Variants in IYD observed in about 807,000 individuals in gnomAD.
IYD encodes iodotyrosine deiodinase 1.
In IYD, 25 loss-of-function variants were observed where a neutral mutation model predicts 28.4. That is an observed-to-expected ratio of 0.88 (90% CI 0.64 to 1.23). IYD has a LOEUF of 1.23. Among genes scored for constraint, IYD ranks in the 50% most tolerant of loss-of-function variants. The pLI, the probability that IYD is intolerant of heterozygous loss-of-function variation, is 0.00. For synonymous variants in IYD, 140 were observed against 130.8 expected (o/e 1.07, Z -0.48); for missense variants, 352 against 357.9 (o/e 0.98, Z 0.13).
At chr6:150,379,985 A>G (rs1281392731) in intron 1 of IYD, among the ~76,000 whole-genome samples, 2 of 152,174 alleles carry the variant, frequency 1.3e-5, no homozygotes, top group South Asian at 2.1e-4. Context: ...TTTTTCTCCT[A>G]TTAATCTGTC....
chr6:150,375,072 G>A lies in IYD; in HGVS notation c.178+5863G>A, dbSNP rs557827152. On this transcript the variant is annotated intron_variant, in intron 1 of 4. Transcript: ENST00000344419. Reference sequence around the variant, plus strand: ...CTTCCCAATCCCTACCCACCTCAGTGCTACTAATGAAATAATCCATCTATA... The same window carrying A: ...CTTCCCAATCCCTACCCACCTCAGTACTACTAATGAAATAATCCATCTATA... 2.0e-5 allele frequency among the ~76,000 whole-genome samples: 3 copies of A among 152,140 alleles called. No homozygotes were observed. In the South Asian group the frequency reaches 6.2e-4, roughly 32 times the overall value.
intron 1 of IYD, chr6:150,370,480 C>T (rs764971179): frequency 3.0e-5 from 30 of 985,174 alleles, no homozygotes; most frequent in African/African-American, 5.2e-5. Flanking sequence ...AGGACCGGGG[C>T]GCAGGGTGTC....
rs967579318 is a variant in IYD at position 150,401,110 on chromosome 6, A to G, written c.*2873A>G. 2 of 152,222 alleles carry G rather than the reference A, an allele frequency of 1.3e-5. No homozygotes were observed. The highest frequency in any genetic ancestry group is 2.9e-5 in the Non-Finnish European group (2 of 68,040). 9.4% of individuals were successfully genotyped at this position (152,222 alleles called of 1,614,324 possible). A position where few individuals can be genotyped will look rare whatever the true frequency, so the allele number is the denominator to read the frequency against. Reference sequence around the variant, plus strand: ...GTTAGGTGGAGCATATACAGTTCTCATTATACTCTTATTTTAAATTTATAT... The same window carrying G: ...GTTAGGTGGAGCATATACAGTTCTCGTTATACTCTTATTTTAAATTTATAT... On this transcript the variant is annotated 3_prime_UTR_variant, in exon 5 of 5. Transcript: ENST00000344419.
intron 1 of IYD, chr6:150,384,412 A>G (rs1226998305): frequency 2.0e-5 from 3 of 152,180 alleles, no homozygotes; most frequent in Non-Finnish European, 2.9e-5. Flanking sequence ...ACACATAACA[A>G]TTCATTCTGA....
At chr6:150,378,913 T>G (rs1361397387) in intron 1 of IYD, among the ~76,000 whole-genome samples, 2 of 152,214 alleles carry the variant, frequency 1.3e-5, no homozygotes, top group Non-Finnish European at 2.9e-5. Flanking sequence ...AATGATAGAC[T>G]GGATTAAGAA....
intron 1 of IYD, among the ~76,000 whole-genome samples, chr6:150,376,039 A>C (rs1777433198): frequency 6.6e-6 from 1 of 152,218 alleles, no homozygotes; most frequent in East Asian, 1.9e-4. Flanking sequence ...ACCTAGAATT[A>C]CTTGGCTGGC....
chr6:150,387,873 T>C (rs989457071), intron 1 of IYD, among the ~76,000 whole-genome samples: 1 of 152,116 alleles, frequency 6.6e-6, no homozygotes, highest in African/African-American at 2.4e-5. Flanking sequence ...TTTTATTCTT[T>C]CCTGTACCCT....
intron 1 of IYD, among the ~76,000 whole-genome samples, chr6:150,387,050 T>C (rs542556949): frequency 4.6e-5 from 7 of 152,280 alleles, no homozygotes; most frequent in African/African-American, 1.4e-4. Flanking sequence ...GTAAAAACTA[T>C]AGTTTTTAAA....
rs138679389 is a variant in IYD at position 150,398,054 on chromosome 6, G to C, written c.688-1G>C. The stretch of plus-strand genomic sequence containing the variant: ...AATGCTTTCTTGTCCTCTTATTTTA[G>C]AATGCAGGTCTGGTGACTGTCACTA... On this transcript the variant is annotated splice_acceptor_variant, in intron 4 of 4. Coordinates refer to ENST00000344419, the MANE Select transcript of IYD (RefSeq NM_203395.3). LOFTEE classifies it high-confidence loss of function. 1 of 1,614,112 alleles carries C rather than the reference G, an allele frequency of 6.2e-7. No individual in the cohort carries two copies. Among genetic ancestry groups the C allele is most frequent in the East Asian group, 2.2e-5 (1 of 44,872 alleles).
intron 3 of IYD, 117 bp downstream of exon 3, chr6:150,392,621 T>A: frequency 9.1e-7 from 1 of 1,099,598 alleles, no homozygotes; most frequent in Non-Finnish European, 1.4e-6. Flanking sequence ...ATTCTGCCTC[T>A]TGGAGGAATT....
At chr6:150,380,211 T>C (rs1403092768) in intron 1 of IYD, among the ~76,000 whole-genome samples, 1 of 152,186 alleles carries the variant, frequency 6.6e-6, no homozygotes, top group African/African-American at 2.4e-5. Flanking sequence ...TATTTGGTGT[T>C]TTGCAAATTA....
Position 150,389,408 on chromosome 6 carries a change from A to G in IYD, c.235A>G (p.Asn79Asp). 1 of 1,613,704 alleles carries G rather than the reference A, an allele frequency of 6.2e-7. No individual in the cohort carries two copies. Among genetic ancestry groups the G allele is most frequent in the Non-Finnish European group, 8.5e-7 (1 of 1,179,638 alleles). ...ENVEHIPFSH[N>D]HYPEKEMVKR... Reference sequence around the variant, plus strand: ...TGTTGAACACATCCCCTTCTCTCATAACCACTATCCTGAGAAGGAAATGGT... The same window carrying G: ...TGTTGAACACATCCCCTTCTCTCATGACCACTATCCTGAGAAGGAAATGGT... Residue 79 changes from asparagine to aspartate, a missense_variant, in exon 2 of 5, where the codon AAC becomes GAC. Physicochemically the swap from Asn to Asp is conservative, Grantham distance 23. Transcript: ENST00000344419.
At chr6:150,390,102 A>G (rs1778055075) in intron 2 of IYD, among the ~76,000 whole-genome samples, 1 of 152,200 alleles carries the variant, frequency 6.6e-6, no homozygotes, top group Non-Finnish European at 1.5e-5. Context: ...GCTACAGAAA[A>G]TGGGGAGGAG....
At chr6:150,394,763 G>A (rs1380366034) in intron 4 of IYD, among the ~76,000 whole-genome samples, 1 of 152,232 alleles carries the variant, frequency 6.6e-6, no homozygotes, top group East Asian at 1.9e-4. Context: ...CAGGATTGCT[G>A]TATAGTTTTC....
In IYD at chr6:150,388,488, A is replaced by C. The variant is rs538543151; in HGVS notation, c.179-864A>C. Among the ~76,000 whole-genome samples, 6 of 152,322 alleles carry C rather than the reference A, an allele frequency of 3.9e-5. No individual in the cohort carries two copies. In the South Asian group the frequency reaches 6.2e-4, roughly 16 times the overall value. ...ACGATTTTAAAAAAGACTTTGAAAA[A>C]TACTTTATTTAGAGATCTGAGTGGT... On this transcript the variant is annotated intron_variant, in intron 1 of 4. Coordinates refer to ENST00000344419, the MANE Select transcript of IYD (RefSeq NM_203395.3).
In IYD at chr6:150,398,243, G is replaced by GC. The variant is rs766336153; in HGVS notation, c.*12dup. 4.3e-6 allele frequency: 7 copies of GC among 1,613,892 alleles called. No individual in the cohort carries two copies. The East Asian group carries it at 1.3e-4, about 31-fold the overall frequency. ...AGATCATGGTGACAGTGTAGGCAGGGCCCCCCAAGGGAGTGGCAGGGAGAT... is the reference window on the plus strand; with the variant it reads ...AGATCATGGTGACAGTGTAGGCAGGGCCCCCCCAAGGGAGTGGCAGGGAGAT... On this transcript the variant is annotated 3_prime_UTR_variant, in exon 5 of 5. Coordinates refer to ENST00000344419, the MANE Select transcript of IYD (RefSeq NM_203395.3).
chr6:150,381,432 T>A (rs1777641623), intron 1 of IYD, among the ~76,000 whole-genome samples: 1 of 152,198 alleles, frequency 6.6e-6, no homozygotes, highest in Non-Finnish European at 1.5e-5. Flanking sequence ...GTAATTAATC[T>A]CTATGGCCTT....
chr6:150,387,846 CT>C (rs1432516818), intron 1 of IYD, among the ~76,000 whole-genome samples: 3 of 151,262 alleles, frequency 2.0e-5, no homozygotes, highest in African/African-American at 7.3e-5. Flanking sequence ...ATTTTTTCTT[CT>C]TTTTAATTTT....
chr6:150,379,052 G>A (rs1777554290), intron 1 of IYD, among the ~76,000 whole-genome samples: 1 of 152,154 alleles, frequency 6.6e-6, no homozygotes, highest in Non-Finnish European at 1.5e-5. Flanking sequence ...ATGGCTTGCA[G>A]CATCTGGAAT....
Sources: gnomAD v4.1 joint callset for allele counts (sites outside exome capture counted in the v4.1 genomes callset) on GRCh38, gnomAD v4.1.1 for gene constraint, MANE v1.5 for transcripts, NCBI Gene and HGNC (gene_info 2026-07-23, HGNC 2026-07-21) for gene names.